The following FBN2 variants were observed in gnomAD, a reference collection of about 807,000 sequenced individuals.
FBN2 encodes the protein fibrillin 2.
A neutral mutation model predicts 355.6 loss-of-function variants in FBN2; 105 were observed. The observed-to-expected ratio is 0.30, with a 90% CI of 0.25 to 0.35. The LOEUF is 0.35. Among genes scored for constraint, FBN2 ranks in the 10% least tolerant of loss-of-function variants. The probability of loss-of-function intolerance (pLI) is 1.00; values close to 1 mark genes in which losing one functional copy is unlikely to be tolerated. For synonymous variants in FBN2, 1,350 were observed against 1,301.2 expected (o/e 1.04, Z -0.81); for missense variants, 3,280 against 3,758.7 (o/e 0.87, Z 3.33).
At position 128,298,923 on chromosome 5, in the gene FBN2, G is replaced by A. The variant is rs1373797206; in HGVS notation, c.6166+1894C>T. 3.3e-5 allele frequency among the ~76,000 whole-genome samples: 5 copies of A among 152,294 alleles called. No individual in the cohort carries two copies. In the East Asian group the frequency reaches 9.6e-4, roughly 29 times the overall value. ...AGGAGGAGAGGCGCTCTGCTTTTTA[G>A]AGTTTCTAGTTTTTCTGCTCTGTTT... On this transcript the variant is annotated intron_variant, in intron 48 of 64. Coordinates refer to ENST00000262464, the MANE Select transcript of FBN2 (RefSeq NM_001999.4).
At position 128,357,281 on chromosome 5, in the gene FBN2, C is replaced by T; in HGVS notation, c.2669G>A (p.Cys890Tyr). Residue 890 changes from cysteine to tyrosine, a missense_variant, in exon 20 of 65, where the codon TGT becomes TAT. Physicochemically the swap from Cys to Tyr is radical, Grantham distance 194 (BLOSUM62 -2). Transcript: ENST00000262464. ...GTATTGTGTATGAATCTTACCAATA[C>T]AGATCAATCCTGTGGAGCTGAGTTT... is the stretch of plus-strand genomic sequence containing the variant. ...GSKLSSTGLI[C>Y]IDSLKGTCWL... 6.2e-7 allele frequency: 1 copy of T among 1,613,902 alleles called. No homozygotes were observed. Among genetic ancestry groups the T allele is most frequent in the Non-Finnish European group, 8.5e-7 (1 of 1,179,812 alleles).
chr5:128,274,058 C>T, intron 60 of FBN2, 90 bp from the exon 61 acceptor site: 1 of 1,477,812 alleles, frequency 6.8e-7, no homozygotes, highest in Admixed American at 1.7e-5. Flanking sequence ...GTATGAAAAC[C>T]TAAGTTTCAT....
At position 128,537,850 on chromosome 5, in the gene FBN2, C is replaced by A; in HGVS notation, c.-247G>T. On this transcript the variant is annotated 5_prime_UTR_variant, in exon 1 of 65. Coordinates refer to ENST00000262464, the MANE Select transcript of FBN2 (RefSeq NM_001999.4). ...CGGCGAGGCGCGGCGGAGGTGCAGCCGGCAGCCCCGAGCGGTACACGTTGC... is the reference window on the plus strand; with the variant it reads ...CGGCGAGGCGCGGCGGAGGTGCAGCAGGCAGCCCCGAGCGGTACACGTTGC... 1 of 589,132 alleles carries A rather than the reference C, an allele frequency of 1.7e-6. No individual in the cohort carries two copies. Among genetic ancestry groups the A allele is most frequent in the South Asian group, 2.0e-5 (1 of 50,058 alleles). 36.5% of individuals were successfully genotyped at this position (589,132 alleles called of 1,614,324 possible).
At chr5:128,289,856 T>C (rs754574755) in intron 51 of FBN2, 26 bp downstream of exon 51, 5 of 1,353,608 alleles carry the variant, frequency 3.7e-6, no homozygotes, top group South Asian at 1.2e-5. Flanking sequence ...AATAAGAATA[T>C]AGGAATAAAA....
intron 5 of FBN2, among the ~76,000 whole-genome samples, chr5:128,497,232 A>G (rs905933237): frequency 6.6e-6 from 1 of 152,180 alleles, no homozygotes; most frequent in Non-Finnish European, 1.5e-5. Flanking sequence ...CTGGAATACC[A>G]AACACCAGAC....
At chr5:128,462,447 G>A (rs1754583584) in intron 6 of FBN2, among the ~76,000 whole-genome samples, 1 of 152,108 alleles carries the variant, frequency 6.6e-6, no homozygotes, top group Non-Finnish European at 1.5e-5. Flanking sequence ...AGAACTTTCT[G>A]ACTATGCCAT....
At chr5:128,263,262 C>T (rs998105574) in intron 63 of FBN2, among the ~76,000 whole-genome samples, 163 bp downstream of exon 63, 1 of 152,178 alleles carries the variant, frequency 6.6e-6, no homozygotes, top group East Asian at 1.9e-4. Context: ...GAGCACAGTC[C>T]GTGTGTGCTT....
chr5:128,437,737 CTAGA>C (rs929988456), intron 7 of FBN2, among the ~76,000 whole-genome samples: 8 of 150,250 alleles, frequency 5.3e-5, no homozygotes, highest in African/African-American at 2.0e-4. Flanking sequence ...AGAGAGTAGT[CTAGA>C]TAGATAAATA....
chr5:128,314,178 A>C (rs1750138286), intron 36 of FBN2, among the ~76,000 whole-genome samples: 1 of 152,312 alleles, frequency 6.6e-6, no homozygotes, highest in African/African-American at 2.4e-5. Flanking sequence ...CCCTGGCTGC[A>C]TATTAGAATC....
At chr5:128,477,652 C>T (rs1313431041) in intron 5 of FBN2, among the ~76,000 whole-genome samples, 2 of 152,118 alleles carry the variant, frequency 1.3e-5, no homozygotes, top group African/African-American at 4.8e-5. Context: ...CAAATGATGA[C>T]AGTAGGCTTA....
At chr5:128,297,397 A>G (rs1481392859) in intron 48 of FBN2, among the ~76,000 whole-genome samples, 1 of 151,910 alleles carries the variant, frequency 6.6e-6, no homozygotes, top group African/African-American at 2.4e-5. Flanking sequence ...ATGCTTGTTG[A>G]CCTTCTGTCT....
At chr5:128,460,896 A>G (rs1390398364) in intron 6 of FBN2, among the ~76,000 whole-genome samples, 1 of 152,232 alleles carries the variant, frequency 6.6e-6, no homozygotes, top group African/African-American at 2.4e-5. Flanking sequence ...AAACCAAAAT[A>G]ACCCTAGAAG....
chr5:128,517,164 G>C lies in FBN2; in HGVS notation c.628+2109C>G, dbSNP rs1419030608. On this transcript the variant is annotated intron_variant, in intron 5 of 64. Coordinates refer to ENST00000262464, the MANE Select transcript of FBN2 (RefSeq NM_001999.4). ...TTTAGTAAGGACTAACAAATCTAATGAATGAATAACTGTTGAAGAATAATG... is the reference window on the plus strand; with the variant it reads ...TTTAGTAAGGACTAACAAATCTAATCAATGAATAACTGTTGAAGAATAATG... 1.3e-5 allele frequency among the ~76,000 whole-genome samples: 2 copies of C among 152,096 alleles called. 1 individual carries two copies. Among genetic ancestry groups the C allele is most frequent in the Non-Finnish European group, 2.9e-5 (2 of 68,000 alleles).
intron 3 of FBN2, 93 bp downstream of exon 3, chr5:128,530,502 C>A: frequency 2.5e-6 from 2 of 807,720 alleles, no homozygotes. Flanking sequence ...AAAGTAATAA[C>A]AGTTAAAACT....
chr5:128,505,320 C>A (rs894711794), intron 5 of FBN2, among the ~76,000 whole-genome samples: 1 of 152,110 alleles, frequency 6.6e-6, no homozygotes, highest in Non-Finnish European at 1.5e-5. Flanking sequence ...AAGATGTGCA[C>A]AATGATTCTG....
chr5:128,333,870 C>T (rs954671531), intron 31 of FBN2, among the ~76,000 whole-genome samples: 2 of 120,314 alleles, frequency 1.7e-5, no homozygotes, highest in African/African-American at 6.0e-5. Flanking sequence ...CACACACACA[C>T]ACACACTACT....
chr5:128,444,652 C>T (rs1581302173), intron 7 of FBN2, among the ~76,000 whole-genome samples: 1 of 152,282 alleles, frequency 6.6e-6, no homozygotes, highest in Non-Finnish European at 1.5e-5. Flanking sequence ...GTGGTGCCTA[C>T]GTGCTATCAA....
chr5:128,306,379 G>T (rs1295241177), intron 42 of FBN2, among the ~76,000 whole-genome samples: 1 of 152,106 alleles, frequency 6.6e-6, no homozygotes, highest in Non-Finnish European at 1.5e-5. Context: ...CAGCACTTTG[G>T]GAGGCTGAGG....
intron 8 of FBN2, among the ~76,000 whole-genome samples, chr5:128,397,347 G>A (rs956298064): frequency 3.9e-5 from 6 of 152,174 alleles, no homozygotes; most frequent in East Asian, 1.9e-4. Context: ...AATCACTAAC[G>A]TTATAAAACA....
Sources: gnomAD v4.1 joint callset for allele counts (sites outside exome capture counted in the v4.1 genomes callset) on GRCh38, gnomAD v4.1.1 for gene constraint, MANE v1.5 for transcripts, NCBI Gene and HGNC (gene_info 2026-07-23, HGNC 2026-07-21) for gene names.